The following HACE1 variants were observed in gnomAD, a reference collection of about 807,000 sequenced individuals.
HACE1 encodes HECT domain and ankyrin repeat containing E3 ubiquitin protein ligase 1, also known as E3 ubiquitin-protein ligase HACE1.
In HACE1, 73 loss-of-function variants were observed where a neutral mutation model predicts 118.4. The observed-to-expected ratio is 0.62, with a 90% CI of 0.51 to 0.75. The LOEUF (loss-of-function observed/expected upper bound fraction) is 0.75. Ranked by LOEUF, HACE1 falls within the 30% of genes least tolerant of loss-of-function variation. HACE1 has a pLI of 0.00. For missense variants in HACE1, 749 were observed against 1,102.2 expected (o/e 0.68, Z 4.54); for synonymous variants, 368 against 374.8 (o/e 0.98, Z 0.21).
At chr6:104,779,394 C>G (rs1405722376) in intron 14 of HACE1, among the ~76,000 whole-genome samples, 2 of 152,086 alleles carry the variant, frequency 1.3e-5, no homozygotes, top group Non-Finnish European at 2.9e-5. Flanking sequence ...ACAATATGAT[C>G]GATGAGAGAT....
chr6:104,747,646 C>A (rs1436801420), intron 20 of HACE1, among the ~76,000 whole-genome samples: 6 of 151,940 alleles, frequency 3.9e-5, no homozygotes, highest in Non-Finnish European at 8.8e-5. Context: ...AGTTCATAGC[C>A]TATCACTAAC....
At chr6:104,800,873 A>T (rs1770254980) in intron 7 of HACE1, among the ~76,000 whole-genome samples, 1 of 152,158 alleles carries the variant, frequency 6.6e-6, no homozygotes, top group Non-Finnish European at 1.5e-5. Flanking sequence ...GACTTTGACG[A>T]GTTCACAGAA....
At chr6:104,776,927 T>C (rs1249554268) in intron 16 of HACE1, 86 bp downstream of exon 16, 45 of 1,279,820 alleles carry the variant, frequency 3.5e-5, no homozygotes, top group Non-Finnish European at 5.1e-5. Flanking sequence ...TCTTCCTTTA[T>C]CAACTAAATA....
At chr6:104,744,640 A>T in intron 20 of HACE1, 30 bp from the exon 21 acceptor site, 3 of 1,281,622 alleles carry the variant, frequency 2.3e-6, no homozygotes, top group Non-Finnish European at 3.4e-6. Flanking sequence ...TATTTCAATA[A>T]TTTTCTTTAG....
chr6:104,785,044 G>A lies in HACE1; in HGVS notation c.1350C>T (p.Asn450=). 6.2e-7 allele frequency: 1 copy of A among 1,613,796 alleles called. No individual in the cohort carries two copies. Among genetic ancestry groups the A allele is most frequent in the Admixed American group, 1.7e-5 (1 of 59,968 alleles). ...AAGCTTGAATGACAGCACTTAGCCG[G>A]TTAGCTGTCATAGAAATAACATCCT... The part of the protein sequence containing the change: ...DCQDVISMTA[N]RLSAVIQAFY... Residue 450 remains asparagine, a synonymous_variant, in exon 12 of 24, where the codon AAC becomes AAT. Coordinates refer to ENST00000262903, the MANE Select transcript of HACE1 (RefSeq NM_020771.4).
At chr6:104,733,447 C>T (rs1376197612) in intron 22 of HACE1, among the ~76,000 whole-genome samples, 19 of 152,030 alleles carry the variant, frequency 1.2e-4, no homozygotes, top group Admixed American at 1.2e-3. Context: ...ATTCATCAGG[C>T]ATAAGTATAT....
chr6:104,738,905 G>A (rs1776270757), intron 22 of HACE1, among the ~76,000 whole-genome samples: 1 of 150,982 alleles, frequency 6.6e-6, no homozygotes, highest in Admixed American at 6.6e-5. Flanking sequence ...AAAATGTTAA[G>A]GGCAGCCAGA....
intron 20 of HACE1, among the ~76,000 whole-genome samples, chr6:104,746,740 C>T (rs970796780): frequency 2.0e-5 from 3 of 152,082 alleles, no homozygotes; most frequent in Non-Finnish European, 4.4e-5. Flanking sequence ...GTTAAAGTTT[C>T]GATATTTGAA....
chr6:104,770,253 G>A (rs1302200670), intron 19 of HACE1, among the ~76,000 whole-genome samples: 1 of 152,092 alleles, frequency 6.6e-6, no homozygotes, highest in Non-Finnish European at 1.5e-5. Flanking sequence ...GCTGCTACTT[G>A]TAAGCAACAG....
chr6:104,831,939 A>G (rs927196638), intron 6 of HACE1, among the ~76,000 whole-genome samples: 1 of 94,316 alleles, frequency 1.1e-5, no homozygotes, highest in African/African-American at 3.9e-5. Context: ...AGAAGAGAAG[A>G]GAAGAGAAGA....
intron 2 of HACE1, among the ~76,000 whole-genome samples, chr6:104,851,831 TG>T (rs1200736051): frequency 2.6e-5 from 4 of 152,180 alleles, no homozygotes; most frequent in African/African-American, 9.7e-5. Context: ...AGCTGACTGG[TG>T]TAAGTGTAAA....
chr6:104,798,553 C>G (rs888848183), intron 7 of HACE1, among the ~76,000 whole-genome samples: 9 of 151,970 alleles, frequency 5.9e-5, no homozygotes, highest in African/African-American at 2.2e-4. Context: ...CTAATTTATT[C>G]TAGAAAAATC....
At chr6:104,736,070 G>A (rs953374239) in intron 22 of HACE1, among the ~76,000 whole-genome samples, 99 of 151,644 alleles carry the variant, frequency 6.5e-4, no homozygotes, top group African/African-American at 2.2e-3. Context: ...ATACAGATTG[G>A]AAGTGGTTTT....
At chr6:104,788,933 A>C (rs955920440) in intron 11 of HACE1, among the ~76,000 whole-genome samples, 4 of 152,148 alleles carry the variant, frequency 2.6e-5, no homozygotes, top group Non-Finnish European at 4.4e-5. Context: ...CTCATTCTTA[A>C]TGGAAAACCC....
intron 10 of HACE1, among the ~76,000 whole-genome samples, chr6:104,794,588 C>T (rs537522695): frequency 6.6e-6 from 1 of 152,320 alleles, no homozygotes; most frequent in African/African-American, 2.4e-5. Flanking sequence ...CACAGATGGC[C>T]TAATGGATGG....
intron 6 of HACE1, among the ~76,000 whole-genome samples, chr6:104,829,533 CAAT>C (rs1252182542): frequency 6.6e-6 from 1 of 152,086 alleles, no homozygotes; most frequent in Non-Finnish European, 1.5e-5. Flanking sequence ...AAGATACATA[CAAT>C]GATTCAGAAA....
At chr6:104,734,613 G>A (rs541073748) in intron 22 of HACE1, among the ~76,000 whole-genome samples, 4 of 152,224 alleles carry the variant, frequency 2.6e-5, no homozygotes, top group East Asian at 3.9e-4. Flanking sequence ...AGCTAGCTCC[G>A]TGTTGTTTCC....
intron 3 of HACE1, 30 bp from the exon 4 acceptor site, chr6:104,849,276 A>G (rs374745153): frequency 3.0e-5 from 35 of 1,183,692 alleles, no homozygotes; most frequent in Middle Eastern, 1.9e-4. Context: ...CAGTTCAGAT[A>G]CATTCAACAT....
At chr6:104,799,748 C>G (rs1201618993) in intron 7 of HACE1, among the ~76,000 whole-genome samples, 2 of 152,000 alleles carry the variant, frequency 1.3e-5, no homozygotes, top group East Asian at 3.9e-4. Flanking sequence ...ACAATTTAGT[C>G]TCAAGACTCC....
Sources: gnomAD v4.1 joint callset for allele counts (sites outside exome capture counted in the v4.1 genomes callset) on GRCh38, gnomAD v4.1.1 for gene constraint, MANE v1.5 for transcripts, NCBI Gene and HGNC (gene_info 2026-07-23, HGNC 2026-07-21) for gene names.